Variants in DLC1 observed in about 807,000 individuals in gnomAD.
The protein encoded by DLC1 is rho GTPase-activating protein 7.
A neutral mutation model predicts 140.3 loss-of-function variants in DLC1; 54 were observed. That is an observed-to-expected ratio of 0.38 (90% confidence interval 0.31 to 0.48). The LOEUF is 0.48. Ranked by LOEUF, DLC1 falls within the 20% of genes least tolerant of loss-of-function variation. The pLI is 0.96. For synonymous variants in DLC1, 986 were observed against 728.1 expected, an observed-to-expected ratio of 1.35 and a Z score of -5.70; for missense variants, 2,536 against 1,907.0, an observed-to-expected ratio of 1.33 and a Z score of -6.14.
At chr8:13,288,285 C>G (rs1395100609) in intron 5 of DLC1, among the ~76,000 whole-genome samples, 1 of 152,056 alleles carries the variant, frequency 6.6e-6, no homozygotes, top group Non-Finnish European at 1.5e-5. Flanking sequence ...ATAAGGATGT[C>G]TAGATCTCTG....
intron 2 of DLC1, among the ~76,000 whole-genome samples, chr8:13,404,327 C>G (rs924146582): frequency 2.6e-5 from 4 of 151,964 alleles, no homozygotes; most frequent in East Asian, 1.9e-4. Flanking sequence ...TTCAAGCTGC[C>G]AAGAAGATGT....
At chr8:13,381,771 A>C (rs1020250423) in intron 4 of DLC1, among the ~76,000 whole-genome samples, 10 of 152,180 alleles carry the variant, frequency 6.6e-5, no homozygotes. Flanking sequence ...CCTGCAAACC[A>C]TGGGACATAA....
chr8:13,421,932 G>A (rs997201325), intron 2 of DLC1, among the ~76,000 whole-genome samples: 2 of 152,048 alleles, frequency 1.3e-5, no homozygotes, highest in African/African-American at 4.8e-5. Flanking sequence ...ACCCATGAAA[G>A]GGACCCATAT....
At chr8:13,573,005 A>T (rs1229537823) in intron 1 of DLC1, among the ~76,000 whole-genome samples, 1 of 152,252 alleles carries the variant, frequency 6.6e-6, no homozygotes, top group African/African-American at 2.4e-5. Context: ...CTATTTCTGT[A>T]AAAAATGCCA....
At chr8:13,550,927 T>C (rs911326878) in intron 1 of DLC1, among the ~76,000 whole-genome samples, 2 of 151,986 alleles carry the variant, frequency 1.3e-5, no homozygotes, top group East Asian at 3.9e-4. Flanking sequence ...TAGAAATCAA[T>C]GGGTTAAATG....
chr8:13,441,695 C>G (rs1293631092), intron 2 of DLC1, among the ~76,000 whole-genome samples: 4 of 152,092 alleles, frequency 2.6e-5, no homozygotes, highest in African/African-American at 9.6e-5. Flanking sequence ...AACCACTGCT[C>G]AATGAAATAA....
chr8:13,164,506 T>A (rs1263377304), intron 5 of DLC1, among the ~76,000 whole-genome samples: 1 of 152,132 alleles, frequency 6.6e-6, no homozygotes, highest in Non-Finnish European at 1.5e-5. Context: ...TTCCCCTTGT[T>A]TTCTCTCATC....
At chr8:13,236,970 C>A (rs781250565) in intron 5 of DLC1, among the ~76,000 whole-genome samples, 6 of 151,824 alleles carry the variant, frequency 4.0e-5, no homozygotes, top group Non-Finnish European at 8.8e-5. Flanking sequence ...AATCACTGAA[C>A]CTTTTCAGAT....
chr8:13,462,659 G>T (rs1799726606), intron 2 of DLC1, among the ~76,000 whole-genome samples: 1 of 152,098 alleles, frequency 6.6e-6, no homozygotes, highest in Non-Finnish European at 1.5e-5. Context: ...GCCTGCCTCG[G>T]TCTCCCAAAG....
At chr8:13,259,439 A>G (rs1348253035) in intron 5 of DLC1, among the ~76,000 whole-genome samples, 2 of 152,216 alleles carry the variant, frequency 1.3e-5, no homozygotes, top group African/African-American at 4.8e-5. Flanking sequence ...AGGGCCTTGG[A>G]AGAGTCAATG....
intron 4 of DLC1, among the ~76,000 whole-genome samples, chr8:13,346,875 T>G (rs1283151306): frequency 2.6e-5 from 4 of 152,252 alleles, no homozygotes; most frequent in Non-Finnish European, 1.5e-5. Context: ...AGTCCCCATT[T>G]ATCCATGGTT....
chr8:13,572,373 T>A (rs959626989), intron 1 of DLC1, among the ~76,000 whole-genome samples: 11 of 152,186 alleles, frequency 7.2e-5, no homozygotes, highest in Non-Finnish European at 1.6e-4. Context: ...ATTATTTTTA[T>A]ATTTTGGATA....
chr8:13,243,188 A>G (rs1241181104), intron 5 of DLC1, among the ~76,000 whole-genome samples: 2 of 150,816 alleles, frequency 1.3e-5, no homozygotes, highest in Non-Finnish European at 2.9e-5. Flanking sequence ...TACTCGGGAG[A>G]CTGAGGCAGG....
chr8:13,237,223 G>GTGTGTA (rs1279174907), intron 5 of DLC1, among the ~76,000 whole-genome samples: 2 of 121,374 alleles, frequency 1.6e-5, no homozygotes, highest in Non-Finnish European at 3.5e-5. Flanking sequence ...GTGTGTGTGT[G>GTGTGTA]TATACATATA....
At chr8:13,136,981 G>T (rs1008517588) in intron 5 of DLC1, among the ~76,000 whole-genome samples, 1 of 152,122 alleles carries the variant, frequency 6.6e-6, no homozygotes, top group South Asian at 2.1e-4. Flanking sequence ...GTACATAAGT[G>T]CTTAACACAT....
intron 5 of DLC1, among the ~76,000 whole-genome samples, chr8:13,280,901 T>C (rs913054133): frequency 2.0e-5 from 3 of 152,212 alleles, no homozygotes; most frequent in African/African-American, 7.2e-5. Context: ...GGTTAAGTCC[T>C]ATGAGTGATC....
intron 1 of DLC1, among the ~76,000 whole-genome samples, chr8:13,572,557 C>G (rs571665926): frequency 3.3e-5 from 5 of 152,182 alleles, no homozygotes; most frequent in South Asian, 4.2e-4. Flanking sequence ...AAATCATCAC[C>G]AAATCTAAGA....
At chr8:13,402,661 C>G (rs1016835453) in intron 2 of DLC1, among the ~76,000 whole-genome samples, 1 of 152,186 alleles carries the variant, frequency 6.6e-6, no homozygotes, top group African/African-American at 2.4e-5. Flanking sequence ...AAAAATACAT[C>G]TTGACAGAAG....
intron 2 of DLC1, among the ~76,000 whole-genome samples, chr8:13,427,405 C>T (rs930491125): frequency 1.3e-5 from 2 of 152,194 alleles, no homozygotes; most frequent in African/African-American, 4.8e-5. Flanking sequence ...TTCCTTGACC[C>T]TGCATCATCA....
Sources: allele counts gnomAD v4.1 joint callset (sites outside exome capture counted in the v4.1 genomes callset), GRCh38; gene constraint gnomAD v4.1.1; transcripts MANE v1.5; gene names NCBI Gene and HGNC (gene_info 2026-07-23, HGNC 2026-07-21).